The following PPP2R2B variants were observed in gnomAD, a reference collection of about 807,000 sequenced individuals.
PPP2R2B encodes the protein serine/threonine-protein phosphatase 2A 55 kDa regulatory subunit B beta isoform.
In PPP2R2B, 5 loss-of-function variants were observed where a neutral mutation model predicts 46.0. That is an observed-to-expected ratio of 0.11 (90% confidence interval 0.06 to 0.23). The LOEUF (loss-of-function observed/expected upper bound fraction) is 0.23, where lower values mean the gene tolerates loss of function less well. Ranked by LOEUF, PPP2R2B falls within the 10% of genes least tolerant of loss-of-function variation. The pLI is 1.00. For synonymous variants in PPP2R2B, 215 were observed against 206.7 expected, an observed-to-expected ratio of 1.04 and a Z score of -0.34; for missense variants, 367 against 575.0, an observed-to-expected ratio of 0.64 and a Z score of 3.70.
chr5:146,732,718 A>G (rs906434823), intron 2 of PPP2R2B, among the ~76,000 whole-genome samples: 2 of 152,216 alleles, frequency 1.3e-5, no homozygotes, highest in African/African-American at 4.8e-5. Context: ...TCAATAGAAG[A>G]GGAATACTAC....
chr5:147,023,280 A>C (rs1281887433), intron 1 of PPP2R2B, among the ~76,000 whole-genome samples: 1 of 152,212 alleles, frequency 6.6e-6, no homozygotes, highest in African/African-American at 2.4e-5. Flanking sequence ...AAAGAGGTAT[A>C]GCAAGGAATT....
intron 1 of PPP2R2B, among the ~76,000 whole-genome samples, chr5:147,035,799 G>GA (rs55681529): frequency 0.042 from 6,263 of 150,592 alleles, 196 homozygotes; most frequent in Non-Finnish European, 0.062. Context: ...AAACTGAAGG[G>GA]AAAAAAAAAC....
At chr5:147,010,969 G>T (rs1754699452) in intron 1 of PPP2R2B, among the ~76,000 whole-genome samples, 1 of 152,046 alleles carries the variant, frequency 6.6e-6, no homozygotes, top group Non-Finnish European at 1.5e-5. Flanking sequence ...CCTGACTCAG[G>T]CCTTGGCACT....
chr5:147,053,725 G>A (rs1756941525), intron 1 of PPP2R2B, among the ~76,000 whole-genome samples: 1 of 152,132 alleles, frequency 6.6e-6, no homozygotes, highest in African/African-American at 2.4e-5. Flanking sequence ...GAAAACACGT[G>A]GGGCATGGGA....
chr5:146,944,406 T>C (rs1764415712), intron 1 of PPP2R2B, among the ~76,000 whole-genome samples: 1 of 152,142 alleles, frequency 6.6e-6, no homozygotes, highest in Admixed American at 6.5e-5. Context: ...CATTATTAGA[T>C]TATGCAACCC....
intron 1 of PPP2R2B, among the ~76,000 whole-genome samples, chr5:146,973,852 C>G (rs189104369): frequency 1.3e-5 from 2 of 152,074 alleles, no homozygotes; most frequent in African/African-American, 4.8e-5. Context: ...ACTGCATTAG[C>G]GAAGGAAACA....
rs1413134564 is a variant in PPP2R2B at position 146,581,802 on chromosome 5, T to A, written c.*8145A>T. Reference sequence around the variant, plus strand: ...CTATGATTGTTTGCTGTTCTCTTTATATATTCAGGCTGAGTCTTCATAAGC... The same window carrying A: ...CTATGATTGTTTGCTGTTCTCTTTAAATATTCAGGCTGAGTCTTCATAAGC... On this transcript the variant is annotated 3_prime_UTR_variant, in exon 10 of 10. Coordinates refer to ENST00000394411, the MANE Select transcript of PPP2R2B (RefSeq NM_181675.4). 1.3e-5 allele frequency: 2 copies of A among 152,254 alleles called. No individual in the cohort carries two copies. The highest frequency in any genetic ancestry group is 4.8e-5 in the African/African-American group (2 of 41,466). 9.4% of individuals were successfully genotyped at this position (152,254 alleles called of 1,614,324 possible).
chr5:146,940,324 G>A (rs2151828640), intron 1 of PPP2R2B, among the ~76,000 whole-genome samples: 1 of 152,218 alleles, frequency 6.6e-6, no homozygotes, highest in South Asian at 2.1e-4. Context: ...ATTCAAATGT[G>A]AACATCTATT....
At chr5:147,074,637 G>A (rs1347949176) in intron 2 of PPP2R2B, among the ~76,000 whole-genome samples, 14 of 152,156 alleles carry the variant, frequency 9.2e-5, no homozygotes, top group South Asian at 8.3e-4. Context: ...ATCACTGAAG[G>A]GAAGCTGAAA....
At chr5:147,021,656 G>A (rs1389367784) in intron 1 of PPP2R2B, among the ~76,000 whole-genome samples, 1 of 152,134 alleles carries the variant, frequency 6.6e-6, no homozygotes, top group African/African-American at 2.4e-5. Context: ...ATTCATTCAA[G>A]CAAACCTTGC....
intron 1 of PPP2R2B, among the ~76,000 whole-genome samples, chr5:146,949,066 CT>C (rs761073415): frequency 6.6e-6 from 1 of 151,976 alleles, no homozygotes; most frequent in Non-Finnish European, 1.5e-5. Context: ...AACTTTTTGC[CT>C]GAATAGGTCA....
At chr5:146,894,384 G>T (rs1241618592) in intron 1 of PPP2R2B, among the ~76,000 whole-genome samples, 1 of 152,168 alleles carries the variant, frequency 6.6e-6, no homozygotes, top group Non-Finnish European at 1.5e-5. Flanking sequence ...AGGAAGGCTT[G>T]CAGAGCCTAT....
At chr5:147,033,037 C>T (rs940213731) in intron 1 of PPP2R2B, among the ~76,000 whole-genome samples, 1 of 152,122 alleles carries the variant, frequency 6.6e-6, no homozygotes, top group African/African-American at 2.4e-5. Flanking sequence ...CTACTGTTTT[C>T]TGATTTTTTG....
chr5:146,957,783 T>A (rs1454381085), intron 1 of PPP2R2B, among the ~76,000 whole-genome samples: 2 of 152,164 alleles, frequency 1.3e-5, no homozygotes, highest in Non-Finnish European at 2.9e-5. Context: ...GTTTCTAAGT[T>A]GTGCAAAGAC....
At position 146,581,531 on chromosome 5, in the gene PPP2R2B, AC is replaced by A; in HGVS notation, c.*8415del. 6.6e-6 allele frequency: 1 copy of A among 152,196 alleles called. No individual in the cohort carries two copies. The highest frequency in any genetic ancestry group is 1.9e-4 in the East Asian group (1 of 5,198). 9.4% of individuals were successfully genotyped at this position (152,196 alleles called of 1,614,324 possible). On this transcript the variant is annotated 3_prime_UTR_variant, in exon 10 of 10. Coordinates refer to ENST00000394411, the MANE Select transcript of PPP2R2B (RefSeq NM_181675.4). ...TCCAAATCATGTCAATATATAATTA[AC>A]CTTTCTGCCTTTTCAAAAATAATAT...
At chr5:147,028,301 A>T (rs969655567) in intron 1 of PPP2R2B, among the ~76,000 whole-genome samples, 2 of 152,152 alleles carry the variant, frequency 1.3e-5, no homozygotes, top group Non-Finnish European at 2.9e-5. Flanking sequence ...TGATTACTGC[A>T]CTATGCTTTT....
intron 1 of PPP2R2B, among the ~76,000 whole-genome samples, chr5:147,024,891 T>A (rs562835609): frequency 6.6e-6 from 1 of 152,134 alleles, no homozygotes; most frequent in African/African-American, 2.4e-5. Context: ...GATCTAAGCT[T>A]CTACCACCAT....
chr5:146,637,884 A>G (rs1190527646), intron 7 of PPP2R2B, among the ~76,000 whole-genome samples: 1 of 151,210 alleles, frequency 6.6e-6, no homozygotes, highest in Non-Finnish European at 1.5e-5. Context: ...CTCAATTTCC[A>G]CTCACCTCTT....
At chr5:146,984,735 T>C (rs1753341635) in intron 1 of PPP2R2B, among the ~76,000 whole-genome samples, 1 of 152,138 alleles carries the variant, frequency 6.6e-6, no homozygotes, top group African/African-American at 2.4e-5. Context: ...CCAACACTTA[T>C]CTTTGGCTTT....
Sources: gnomAD v4.1 joint callset for allele counts (sites outside exome capture counted in the v4.1 genomes callset) on GRCh38, gnomAD v4.1.1 for gene constraint, MANE v1.5 for transcripts, NCBI Gene and HGNC (gene_info 2026-07-23, HGNC 2026-07-21) for gene names.